MORC1: variants seen among roughly 807,000 people sequenced by gnomAD.
MORC1 encodes MORC family CW-type zinc finger 1, also known as MORC family CW-type zinc finger protein 1.
A neutral mutation model predicts 134.9 loss-of-function variants in MORC1; 59 were observed. The observed-to-expected ratio is 0.44, with a 90% CI of 0.35 to 0.54. The LOEUF is 0.54. Ranked by LOEUF, MORC1 falls within the 20% of genes least tolerant of loss-of-function variation. The pLI is 0.00. For synonymous variants in MORC1, 395 were observed against 391.7 expected (o/e 1.01, Z -0.10); for missense variants, 947 against 1,134.5 (o/e 0.83, Z 2.37).
At chr3:109,076,214 C>G (rs541544365) in intron 8 of MORC1, among the ~76,000 whole-genome samples, 1 of 151,978 alleles carries the variant, frequency 6.6e-6, no homozygotes, top group African/African-American at 2.4e-5. Flanking sequence ...ATGTGGCCAA[C>G]AAACGTATGA....
intron 17 of MORC1, among the ~76,000 whole-genome samples, chr3:109,008,284 T>C (rs1365249748): frequency 6.6e-6 from 1 of 152,156 alleles, no homozygotes; most frequent in Non-Finnish European, 1.5e-5. Context: ...AAAAGTGACA[T>C]TTCTGGGTCA....
In MORC1 at chr3:108,984,733, T is replaced by C. The variant is rs538731228; in HGVS notation, c.2307A>G (p.Ser769=). 6.2e-7 allele frequency: 1 copy of C among 1,609,040 alleles called. No individual in the cohort carries two copies. Among genetic ancestry groups the C allele is most frequent in the Admixed American group, 1.7e-5 (1 of 59,032 alleles). ...NDVLAMKRSS[S]LPSWKSLLNV... ...ACACTCACCTTTTCCAGCTAGGTAA[T>C]GAAGAGCTTCTTTTCATTGCTAGAA... The change falls in exon 23 of 28, where the codon TCA becomes TCG. Residue 769 remains serine (S), a synonymous_variant. Coordinates refer to ENST00000232603, the MANE Select transcript of MORC1 (RefSeq NM_014429.4).
chr3:109,050,272 T>C (rs1219195793), intron 14 of MORC1, among the ~76,000 whole-genome samples: 2 of 152,216 alleles, frequency 1.3e-5, no homozygotes, highest in African/African-American at 4.8e-5. Flanking sequence ...TTTAACAAAA[T>C]ACTATAGACT....
chr3:109,113,955 T>C (rs996661361), intron 2 of MORC1, among the ~76,000 whole-genome samples: 2 of 152,216 alleles, frequency 1.3e-5, no homozygotes, highest in East Asian at 3.8e-4. Flanking sequence ...ATGCATGACA[T>C]AATGCTCATA....
intron 16 of MORC1, among the ~76,000 whole-genome samples, chr3:109,030,720 G>T (rs1194737918): frequency 6.6e-6 from 1 of 152,100 alleles, no homozygotes; most frequent in African/African-American, 2.4e-5. Context: ...CATCACAAGT[G>T]GCACTGTTTT....
At chr3:109,104,912 G>A (rs889784905) in intron 3 of MORC1, among the ~76,000 whole-genome samples, 1 of 151,628 alleles carries the variant, frequency 6.6e-6, no homozygotes, top group African/African-American at 2.4e-5. Context: ...CATAACCACA[G>A]TCACAGCAGC....
At chr3:109,062,246 T>C (rs116428373) in intron 10 of MORC1, among the ~76,000 whole-genome samples, 188 bp from the exon 11 acceptor site, 2,072 of 152,268 alleles carry the variant, frequency 0.014, 46 homozygotes, top group African/African-American at 0.046. Flanking sequence ...CATTTAGGTA[T>C]GACAATTTAC....
At chr3:109,048,885 G>T (rs565875823) in intron 14 of MORC1, among the ~76,000 whole-genome samples, 1 of 152,050 alleles carries the variant, frequency 6.6e-6, no homozygotes, top group Non-Finnish European at 1.5e-5. Context: ...AATACAGCCC[G>T]AGCTACTGGG....
intron 11 of MORC1, among the ~76,000 whole-genome samples, chr3:109,060,375 C>T (rs776409477): frequency 6.6e-6 from 1 of 151,462 alleles, no homozygotes. Context: ...TATAGGATAC[C>T]CCATGCCCAG....
chr3:109,110,807 T>C (rs775471598), intron 2 of MORC1, 24 bp from the exon 3 acceptor site: 1 of 1,564,866 alleles, frequency 6.4e-7, no homozygotes, highest in Non-Finnish European at 8.7e-7. Context: ...AAAAATATTA[T>C]TTCTTCAATA....
chr3:109,062,582 G>A (rs13097912), intron 10 of MORC1, among the ~76,000 whole-genome samples: 18,120 of 151,602 alleles, frequency 0.12, 1,165 homozygotes, highest in Non-Finnish European at 0.14. Flanking sequence ...CACCACACCC[G>A]GCTAACTTTT....
intron 17 of MORC1, among the ~76,000 whole-genome samples, chr3:109,011,466 T>C (rs541119752): frequency 2.6e-5 from 4 of 152,158 alleles, no homozygotes; most frequent in African/African-American, 9.7e-5. Context: ...AAGTACCTGC[T>C]TAAATGTGTC....
At chr3:109,066,799 C>A (rs1469695391) in intron 9 of MORC1, among the ~76,000 whole-genome samples, 3 of 152,098 alleles carry the variant, frequency 2.0e-5, no homozygotes, top group Non-Finnish European at 4.4e-5. Context: ...GAGGAATTCC[C>A]AATTCACAGT....
chr3:109,054,955 T>G, intron 13 of MORC1, 73 bp from the exon 14 acceptor site: 1 of 1,357,106 alleles, frequency 7.4e-7, no homozygotes, highest in Non-Finnish European at 1.0e-6. Flanking sequence ...TCTGGTCATT[T>G]GAAATCATTT....
intron 21 of MORC1, 143 bp from the exon 22 acceptor site, chr3:108,987,092 G>A: frequency 2.0e-6 from 1 of 496,446 alleles, no homozygotes; most frequent in African/African-American, 2.0e-5. Flanking sequence ...TTTTATAAAG[G>A]GAACAAATGG....
intron 14 of MORC1, among the ~76,000 whole-genome samples, chr3:109,041,325 A>G (rs1390751069): frequency 6.6e-6 from 1 of 151,980 alleles, no homozygotes; most frequent in Non-Finnish European, 1.5e-5. Context: ...AAAAAGAAAA[A>G]AAAGAGAAAG....
chr3:108,963,120 C>T (rs192521973), intron 27 of MORC1, among the ~76,000 whole-genome samples: 12 of 148,858 alleles, frequency 8.1e-5, no homozygotes, highest in African/African-American at 2.7e-4. Context: ...ACCCAGGAGG[C>T]GGAGGTTGCA....
intron 14 of MORC1, 126 bp from the exon 15 acceptor site, chr3:109,035,594 TAAG>T (rs1949362058): frequency 3.8e-6 from 2 of 519,656 alleles, no homozygotes; most frequent in Admixed American, 4.1e-5. Context: ...TATACAGAAA[TAAG>T]AGATTAAAAT....
rs558345026 is a variant in MORC1 at position 108,984,951 on chromosome 3, G to A, written c.2258-169C>T. On this transcript the variant is annotated intron_variant, in intron 22 of 27. Transcript: ENST00000232603. ...ACGAGATCTATAATATGTTCTTAAGGTAGTTTATAATGTTTTAAAATAAAG... is the reference window on the plus strand; with the variant it reads ...ACGAGATCTATAATATGTTCTTAAGATAGTTTATAATGTTTTAAAATAAAG... 1.1e-4 allele frequency among the ~76,000 whole-genome samples: 17 copies of A among 152,260 alleles called. No homozygotes were observed. The South Asian group carries it at 3.5e-3, about 32-fold the overall frequency.
Sources: allele counts gnomAD v4.1 joint callset (sites outside exome capture counted in the v4.1 genomes callset), GRCh38; gene constraint gnomAD v4.1.1; transcripts MANE v1.5; gene names NCBI Gene and HGNC (gene_info 2026-07-23, HGNC 2026-07-21).